The following TAS2R4 variants were observed in gnomAD, a reference collection of about 807,000 sequenced individuals.
TAS2R4 encodes taste receptor type 2 member 4.
A neutral mutation model predicts 14.3 loss-of-function variants in TAS2R4; 18 were observed. That is an observed-to-expected ratio of 1.26 (90% CI 0.87 to 1.86). The LOEUF is 1.86. TAS2R4 is among the 40% of genes most tolerant of loss of function. TAS2R4 has a pLI of 0.00. For synonymous variants in TAS2R4, 130 were observed against 138.5 expected, an observed-to-expected ratio of 0.94 and a Z score of 0.43; for missense variants, 306 against 342.7, an observed-to-expected ratio of 0.89 and a Z score of 0.85.
In TAS2R4 at chr7:141,778,604, A is replaced by G. The variant is rs376742448; in HGVS notation, c.116A>G (p.His39Arg). 7 of 1,614,134 alleles carry G rather than the reference A, an allele frequency of 4.3e-6. No homozygotes were observed. In the African/African-American group the frequency reaches 5.3e-5, roughly 12 times the overall value. The change falls in exon 1 of 1, where the codon CAT becomes CGT. Residue 39 changes from histidine to arginine, a missense_variant. His to Arg is a conservative substitution (Grantham distance 29). Transcript: ENST00000247881. ...AATTGCAAAACTTGGGTCAAAAGCC[A>G]TAGAATCTCCTCTTCTGATAGGATT... ...VVNCKTWVKS[H>R]RISSSDRILF...
At position 141,778,838 on chromosome 7, in the gene TAS2R4, T is replaced by C. The variant is rs1262854350; in HGVS notation, c.350T>C (p.Val117Ala). 6.2e-7 allele frequency: 1 copy of C among 1,614,212 alleles called. No homozygotes were observed. Among genetic ancestry groups the C allele is most frequent in the Admixed American group, 1.7e-5 (1 of 60,032 alleles). ...AAGATTACTAACTTCCAACACTCAGTGTTTCTCCTGCTGAAGCGGAATATC... is the reference window on the plus strand; with the variant it reads ...AAGATTACTAACTTCCAACACTCAGCGTTTCTCCTGCTGAAGCGGAATATC... ...CVKITNFQHSVFLLLKRNISP... is the reference protein window; with the variant it reads ...CVKITNFQHSAFLLLKRNISP... Residue 117 changes from valine to alanine, a missense_variant, in exon 1 of 1, where the codon GTG (valine) becomes GCG (alanine). By Grantham distance (64) the Val-to-Ala change is moderately conservative (BLOSUM62 0). Coordinates refer to ENST00000247881, the MANE Select transcript of TAS2R4 (RefSeq NM_016944.2).
Position 141,777,020 on chromosome 7 carries a change from G to T in TAS2R4, c.-1469G>T, listed in dbSNP as rs1441973123. Among the ~76,000 whole-genome samples the T allele has an allele frequency of 6.6e-6, 1 of 151,942 alleles. No homozygotes were observed. Among genetic ancestry groups the T allele is most frequent in the Non-Finnish European group, 1.5e-5 (1 of 67,980 alleles). On this transcript the variant is annotated 5_prime_UTR_variant, in exon 1 of 1. Coordinates refer to ENST00000247881, the MANE Select transcript of TAS2R4 (RefSeq NM_016944.2). ...CTTTTGGCCACATTTATCTGTTATGGCTTACTCTATATCATTTATTCTATT... is the reference window on the plus strand; with the variant it reads ...CTTTTGGCCACATTTATCTGTTATGTCTTACTCTATATCATTTATTCTATT...
rs764326478 is a variant in TAS2R4 at position 141,779,092 on chromosome 7, T to C, written c.604T>C (p.Ser202Pro). The C allele has an allele frequency of 1.9e-6, 3 of 1,614,190 alleles. No homozygotes were observed. In the South Asian group the frequency reaches 3.3e-5, roughly 18 times the overall value. Residue 202 changes from serine (S) to proline (P), a missense_variant, in exon 1 of 1, where the codon TCC (serine) becomes CCC (proline). Physicochemically the swap from Ser to Pro is moderately conservative, Grantham distance 74. Transcript: ENST00000247881. ...GACTTCTGCTTCCTTGCTAATACAC[T>C]CCTTGAGGAGACATATACAGAAGAT... ...NVTSASLLIH[S>P]LRRHIQKMQK... is the part of the protein sequence containing the mutation.
In TAS2R4 at chr7:141,779,562, A is replaced by C; in HGVS notation, c.*174A>C. 1.6e-6 allele frequency: 1 copy of C among 616,368 alleles called. No homozygotes were observed. 38.2% of individuals were successfully genotyped at this position (616,368 alleles called of 1,614,324 possible). A position where few individuals can be genotyped will look rare whatever the true frequency, so the allele number is the denominator to read the frequency against. The stretch of plus-strand genomic sequence containing the variant: ...CTGTAATTTTTTTTTTTTGGTATGT[A>C]AGTATTTTAAAATAAGGCACATTCT... On this transcript the variant is annotated 3_prime_UTR_variant, in exon 1 of 1. Coordinates refer to ENST00000247881, the MANE Select transcript of TAS2R4 (RefSeq NM_016944.2).
In TAS2R4 at chr7:141,777,590, A is replaced by G. The variant is rs1207672885; in HGVS notation, c.-899A>G. Reference sequence around the variant, plus strand: ...AGAGAAATCCAGCAATGAGATGCCTAGCTGTTTGGCTCACAAAACTACAAC... The same window carrying G: ...AGAGAAATCCAGCAATGAGATGCCTGGCTGTTTGGCTCACAAAACTACAAC... On this transcript the variant is annotated 5_prime_UTR_variant, in exon 1 of 1. Transcript: ENST00000247881. Among the ~76,000 whole-genome samples the G allele has an allele frequency of 6.6e-6, 1 of 152,222 alleles. No individual in the cohort carries two copies.
In TAS2R4 at chr7:141,780,992, T is replaced by A. The variant is rs1399223479; in HGVS notation, c.*1604T>A. Among the ~76,000 whole-genome samples the A allele has an allele frequency of 2.6e-5, 4 of 152,132 alleles. No homozygotes were observed. Among genetic ancestry groups the A allele is most frequent in the Non-Finnish European group, 5.9e-5 (4 of 68,028 alleles). On this transcript the variant is annotated 3_prime_UTR_variant, in exon 1 of 1. Transcript: ENST00000247881. ...CATACTATGTCTTAAGAACTCTAAA[T>A]GAGTGGCAGAAACCCTCATTGGTCC... is the stretch of plus-strand genomic sequence containing the variant.
rs768864986 is a variant in TAS2R4, at chr7:141,778,764, C to A, written c.276C>A (p.Asp92Glu). 6.2e-7 allele frequency: 1 copy of A among 1,614,176 alleles called. No homozygotes were observed. The highest frequency in any genetic ancestry group is 2.2e-5 in the East Asian group (1 of 44,890). ...TTGTGTTGTGTTTCATGTTTTTGGA[C>A]TCGAGCAGTGTCTGGTTTGTGACCT... ...AFFVLCFMFL[D>E]SSSVWFVTLL... Residue 92 changes from aspartate (D) to glutamate (E), a missense_variant, in exon 1 of 1, where the codon GAC (aspartate) becomes GAA (glutamate). Coordinates refer to ENST00000247881, the MANE Select transcript of TAS2R4 (RefSeq NM_016944.2).
At position 141,779,499 on chromosome 7, in the gene TAS2R4, A is replaced by T; in HGVS notation, c.*111A>T. On this transcript the variant is annotated 3_prime_UTR_variant, in exon 1 of 1. Transcript: ENST00000247881. ...ATTCAGTTTTGTGATTGCTGATCTG[A>T]CATCATAGGCTTTTGAGTGCCTGAA... 2 of 1,094,114 alleles carry T rather than the reference A, an allele frequency of 1.8e-6. No homozygotes were observed. The highest frequency in any genetic ancestry group is 4.0e-5 in the South Asian group (2 of 49,516). 67.8% of individuals were successfully genotyped at this position (1,094,114 alleles called of 1,614,324 possible).
At position 141,781,513 on chromosome 7, in the gene TAS2R4, G is replaced by A. The variant is rs974418100; in HGVS notation, c.*2125G>A. ...TGTATTTACCATCTTATTAGTCAAA[G>A]AACCTTTTTATATGACCTACTAAGT... On this transcript the variant is annotated 3_prime_UTR_variant, in exon 1 of 1. Coordinates refer to ENST00000247881, the MANE Select transcript of TAS2R4 (RefSeq NM_016944.2). 6.6e-6 allele frequency among the ~76,000 whole-genome samples: 1 copy of A among 151,896 alleles called. No homozygotes were observed. The highest frequency in any genetic ancestry group is 2.4e-5 in the African/African-American group (1 of 41,322).
Position 141,780,265 on chromosome 7 carries a change from C to A in TAS2R4, c.*877C>A, listed in dbSNP as rs1355947663. The A allele has an allele frequency of 6.6e-6, 1 of 152,148 alleles. No individual in the cohort carries two copies. The highest frequency in any genetic ancestry group is 1.5e-5 in the Non-Finnish European group (1 of 68,036). 9.4% of individuals were successfully genotyped at this position (152,148 alleles called of 1,614,324 possible). ...GACAGAAAAAGTATCCTCACACTTGCTGGGTAATAGTAACTGTGCTATTCC... is the reference window on the plus strand; with the variant it reads ...GACAGAAAAAGTATCCTCACACTTGATGGGTAATAGTAACTGTGCTATTCC... On this transcript the variant is annotated 3_prime_UTR_variant, in exon 1 of 1. Transcript: ENST00000247881.
Position 141,779,333 on chromosome 7 carries a change from TCA to T in TAS2R4, c.850_851del (p.His284SerfsTer2). 6.2e-7 allele frequency: 1 copy of T among 1,613,888 alleles called. No homozygotes were observed. Among genetic ancestry groups the T allele is most frequent in the African/African-American group, 1.3e-5 (1 of 75,042 alleles). On this transcript the variant is annotated frameshift_variant, in exon 1 of 1. Transcript: ENST00000247881. LOFTEE classifies it high-confidence loss of function. ...CCAGGACATTCTGTTCTCATTATTA[TCA>T]CACATCCTAAACTGAAAACAACAGC...
At position 141,779,015 on chromosome 7, in the gene TAS2R4, C is replaced by T; in HGVS notation, c.527C>T (p.Ser176Phe). 2 of 1,614,164 alleles carry T rather than the reference C, an allele frequency of 1.2e-6. No individual in the cohort carries two copies. Among genetic ancestry groups the T allele is most frequent in the Non-Finnish European group, 1.7e-6 (2 of 1,180,022 alleles). ...TSFNISEGIL[S>F]LVVSLVLSSS... ...TTTAATATCAGTGAGGGCATCTTGT[C>T]TTTAGTGGTTTCTTTGGTCTTGAGC... The change falls in exon 1 of 1, where the codon TCT becomes TTT. Residue 176 changes from serine to phenylalanine, a missense_variant. Ser to Phe is a radical substitution (Grantham distance 155, BLOSUM62 -2). Transcript: ENST00000247881.
chr7:141,777,230 G>C lies in TAS2R4; in HGVS notation c.-1259G>C, dbSNP rs925136300. 6.6e-6 allele frequency among the ~76,000 whole-genome samples: 1 copy of C among 152,180 alleles called. No individual in the cohort carries two copies. Among genetic ancestry groups the C allele is most frequent in the African/African-American group, 2.4e-5 (1 of 41,440 alleles). On this transcript the variant is annotated 5_prime_UTR_variant, in exon 1 of 1. Coordinates refer to ENST00000247881, the MANE Select transcript of TAS2R4 (RefSeq NM_016944.2). ...TGTTAGTTTTGAATAAAAAGCTTCT[G>C]TAAGCACCTGGGCACCAGGTCAGAG...
chr7:141,778,827 C>A lies in TAS2R4; in HGVS notation c.339C>A (p.Phe113Leu), dbSNP rs780496407. Residue 113 changes from phenylalanine to leucine, a missense_variant, in exon 1 of 1, where the codon TTC becomes TTA. By Grantham distance (22) the Phe-to-Leu change is conservative. Coordinates refer to ENST00000247881, the MANE Select transcript of TAS2R4 (RefSeq NM_016944.2). ...TGTACTGTGTGAAGATTACTAACTT[C>A]CAACACTCAGTGTTTCTCCTGCTGA... ...NILYCVKITN[F>L]QHSVFLLLKR... is the part of the protein sequence containing the mutation. 1.2e-6 allele frequency: 2 copies of A among 1,614,194 alleles called. No homozygotes were observed. The highest frequency in any genetic ancestry group is 1.7e-6 in the Non-Finnish European group (2 of 1,180,034).
At position 141,779,038 on chromosome 7, in the gene TAS2R4, A is replaced by G; in HGVS notation, c.550A>G (p.Ser184Gly). 6.2e-7 allele frequency: 1 copy of G among 1,614,148 alleles called. No homozygotes were observed. Among genetic ancestry groups the G allele is most frequent in the Non-Finnish European group, 8.5e-7 (1 of 1,180,032 alleles). ...GTCTTTAGTGGTTTCTTTGGTCTTG[A>G]GCTCATCTCTCCAGTTCATCATTAA... Reference protein sequence around the residue: ...ILSLVVSLVLSSSLQFIINVT... With the variant: ...ILSLVVSLVLGSSLQFIINVT... Residue 184 changes from serine to glycine, a missense_variant, in exon 1 of 1, where the codon AGC (serine) becomes GGC (glycine). Ser to Gly is a moderately conservative substitution (Grantham distance 56, BLOSUM62 0). Transcript: ENST00000247881.
rs1800291442 is a variant in TAS2R4, at chr7:141,779,296, A to G, written c.808A>G (p.Thr270Ala). Reference sequence around the variant, plus strand: ...CAAATCCATTTGTCTGATTTTTGCCACCCTTTACTCTCCAGGACATTCTGT... The same window carrying G: ...CAAATCCATTTGTCTGATTTTTGCCGCCCTTTACTCTCCAGGACATTCTGT... ...GTKSICLIFA[T>A]LYSPGHSVLI... Residue 270 changes from threonine (T) to alanine (A), a missense_variant, in exon 1 of 1, where the codon ACC becomes GCC. Physicochemically the swap from Thr to Ala is moderately conservative, Grantham distance 58. Transcript: ENST00000247881. 9 of 1,614,032 alleles carry G rather than the reference A, an allele frequency of 5.6e-6. No individual in the cohort carries two copies. In the East Asian group the frequency reaches 1.6e-4, roughly 28 times the overall value.
Position 141,778,796 on chromosome 7 carries a change from A to G in TAS2R4, c.308A>G (p.Asn103Ser). 1 of 1,614,186 alleles carries G rather than the reference A, an allele frequency of 6.2e-7. No homozygotes were observed. Among genetic ancestry groups the G allele is most frequent in the Non-Finnish European group, 8.5e-7 (1 of 1,180,048 alleles). Reference protein sequence around the residue: ...SSSVWFVTLLNILYCVKITNF... With the variant: ...SSSVWFVTLLSILYCVKITNF... ...AGTGTCTGGTTTGTGACCTTGCTCA[A>G]TATCTTGTACTGTGTGAAGATTACT... The change falls in exon 1 of 1, where the codon AAT (asparagine) becomes AGT (serine). Residue 103 changes from asparagine (N) to serine (S), a missense_variant. By Grantham distance (46) the Asn-to-Ser change is conservative. Coordinates refer to ENST00000247881, the MANE Select transcript of TAS2R4 (RefSeq NM_016944.2).
In TAS2R4 at chr7:141,779,962, C is replaced by T. The variant is rs1800301142; in HGVS notation, c.*574C>T. ...GTGGCTCATGCTTGTAATCCCAGCT[C>T]TTTGGGAGGCCGAGGCAGGTGAATC... On this transcript the variant is annotated 3_prime_UTR_variant, in exon 1 of 1. Transcript: ENST00000247881. 1 of 152,906 alleles carries T rather than the reference C, an allele frequency of 6.5e-6. No homozygotes were observed. Among genetic ancestry groups the T allele is most frequent in the Middle Eastern group, 3.4e-3 (1 of 298 alleles). 9.5% of individuals were successfully genotyped at this position (152,906 alleles called of 1,614,324 possible).
rs1800321357 is a variant in TAS2R4, at chr7:141,781,612, G to A, written c.*2224G>A. On this transcript the variant is annotated 3_prime_UTR_variant, in exon 1 of 1. Coordinates refer to ENST00000247881, the MANE Select transcript of TAS2R4 (RefSeq NM_016944.2). The stretch of plus-strand genomic sequence containing the variant: ...TAAAAATGTGTACATATGAAGAAAA[G>A]TCTAAAAGGAAATATATAAAAATGT... 6.6e-6 allele frequency among the ~76,000 whole-genome samples: 1 copy of A among 151,818 alleles called. No individual in the cohort carries two copies.
Sources: gnomAD v4.1 joint callset for allele counts (sites outside exome capture counted in the v4.1 genomes callset) on GRCh38, gnomAD v4.1.1 for gene constraint, MANE v1.5 for transcripts, NCBI Gene and HGNC (gene_info 2026-07-23, HGNC 2026-07-21) for gene names.